HUWE1: variants seen among roughly 807,000 people sequenced by gnomAD.
HUWE1 encodes E3 ubiquitin-protein ligase HUWE1.
HUWE1 carries 18 observed loss-of-function variants against 299.4 expected under a neutral mutation model. The observed-to-expected ratio is 0.06, with a 90% CI of 0.04 to 0.09. The LOEUF (loss-of-function observed/expected upper bound fraction) is 0.09, where lower values mean the gene tolerates loss of function less well. Ranked by LOEUF, HUWE1 falls within the 10% of genes least tolerant of loss-of-function variation. The probability of loss-of-function intolerance (pLI) is 1.00; values close to 1 mark genes in which losing one functional copy is unlikely to be tolerated. For missense variants in HUWE1, 1,832 were observed against 3,462.3 expected (o/e 0.53, Z 11.82); for synonymous variants, 1,317 against 1,286.1 (o/e 1.02, Z -0.51).
chrX:53,589,078 C>A (rs1352579101), intron 36 of HUWE1, among the ~76,000 whole-genome samples: 3 of 112,152 alleles, frequency 2.7e-5, no homozygotes, highest in Non-Finnish European at 5.6e-5. Flanking sequence ...TAAATACAAT[C>A]GAAATGTTAA....
intron 3 of HUWE1, among the ~76,000 whole-genome samples, chrX:53,660,940 G>GA (rs2068969312): frequency 1.8e-5 from 2 of 110,249 alleles, no homozygotes; most frequent in African/African-American, 6.6e-5. Flanking sequence ...AAGTAAGAGA[G>GA]AAAAAAAGTA....
chrX:53,645,733 AAAAATATAT>A (rs1287021683), intron 6 of HUWE1, among the ~76,000 whole-genome samples: 157 of 19,353 alleles, frequency 8.1e-3, no homozygotes, highest in Admixed American at 0.012. Context: ...AAAAAAAAAA[AAAAATATAT>A]ATATATATAT....
intron 23 of HUWE1, among the ~76,000 whole-genome samples, chrX:53,611,188 TA>T (rs1204862205): frequency 1.1e-3 from 67 of 60,782 alleles, no homozygotes; most frequent in Middle Eastern, 0.011. Context: ...GCTGATTTTG[TA>T]AAAAAAAAAA....
At chrX:53,663,287 T>C (rs1017470723) in intron 3 of HUWE1, among the ~76,000 whole-genome samples, 1 of 111,353 alleles carries the variant, frequency 9.0e-6, no homozygotes. Flanking sequence ...CCGAGGCGGG[T>C]GGATCACCCA....
intron 25 of HUWE1, among the ~76,000 whole-genome samples, chrX:53,605,145 C>G (rs2065082010): frequency 8.9e-6 from 1 of 112,350 alleles, no homozygotes; most frequent in Admixed American, 9.4e-5. Context: ...AAATTTTGCT[C>G]GATAGGAAAC....
chrX:53,542,401 G>A (rs2061383212), intron 74 of HUWE1, 42 bp downstream of exon 74: 2 of 856,803 alleles, frequency 2.3e-6, no homozygotes, highest in East Asian at 6.2e-5. Flanking sequence ...CAGAAGACTG[G>A]CTATCCCTTT....
intron 43 of HUWE1, among the ~76,000 whole-genome samples, chrX:53,578,620 G>A (rs2063358378): frequency 3.2e-5 from 3 of 95,111 alleles, no homozygotes; most frequent in Admixed American, 1.0e-4. Context: ...CCCCGTCCGG[G>A]AGGGAGGTGG....
chrX:53,633,580 G>A (rs967525733), intron 8 of HUWE1, among the ~76,000 whole-genome samples: 1 of 112,482 alleles, frequency 8.9e-6, no homozygotes, highest in Non-Finnish European at 1.9e-5. Flanking sequence ...GGCTTGCTAA[G>A]ATAAATACAC....
chrX:53,589,949 T>A, intron 35 of HUWE1, 133 bp from the exon 36 acceptor site: 1 of 710,812 alleles, frequency 1.4e-6, no homozygotes, highest in Non-Finnish European at 2.1e-6. Context: ...GATACTTTCA[T>A]CCAGGATGTG....
chrX:53,597,744 AT>A (rs1175971141), intron 29 of HUWE1, among the ~76,000 whole-genome samples: 1 of 88,206 alleles, frequency 1.1e-5, no homozygotes, highest in Non-Finnish European at 2.2e-5. Context: ...CACATCTCTA[AT>A]TCAGCCTCTA....
At chrX:53,611,499 G>C (rs2065468435) in intron 23 of HUWE1, among the ~76,000 whole-genome samples, 1 of 111,888 alleles carries the variant, frequency 8.9e-6, no homozygotes, top group African/African-American at 3.2e-5. Flanking sequence ...GAAGTAAGAT[G>C]AGTAACAGTC....
intron 55 of HUWE1, among the ~76,000 whole-genome samples, chrX:53,560,734 T>C (rs951427262): frequency 1.8e-5 from 2 of 112,034 alleles, no homozygotes; most frequent in Non-Finnish European, 3.8e-5. Context: ...CCCGCTTCTT[T>C]ACCTGCTCTT....
chrX:53,610,268 T>G (rs1456724979), intron 23 of HUWE1, among the ~76,000 whole-genome samples: 5 of 111,768 alleles, frequency 4.5e-5, no homozygotes, highest in Non-Finnish European at 9.4e-5. Flanking sequence ...AAATGAGACC[T>G]ATATGCCCCC....
chrX:53,631,681 G>C, intron 9 of HUWE1, 67 bp from the exon 10 acceptor site: 2 of 788,259 alleles, frequency 2.5e-6, no homozygotes, highest in Non-Finnish European at 3.9e-6. Context: ...CTTCCATAGA[G>C]CTCCAAAGGG....
intron 62 of HUWE1, 80 bp from the exon 63 acceptor site, chrX:53,552,521 C>T: frequency 8.3e-7 from 1 of 1,202,271 alleles, no homozygotes; most frequent in South Asian, 1.8e-5. Flanking sequence ...CCCTTTCTCA[C>T]AGAAACCAGC....
intron 3 of HUWE1, among the ~76,000 whole-genome samples, chrX:53,666,395 G>C (rs1372943439): frequency 1.8e-5 from 2 of 111,648 alleles, no homozygotes; most frequent in Non-Finnish European, 3.8e-5. Context: ...GCCCTGTGTT[G>C]ATCACTGTTC....
At chrX:53,664,617 C>T (rs2069161270) in intron 3 of HUWE1, among the ~76,000 whole-genome samples, 1 of 111,904 alleles carries the variant, frequency 8.9e-6, no homozygotes, top group Admixed American at 9.5e-5. Flanking sequence ...AGCATTACGG[C>T]AGTTCTTAAA....
At chrX:53,547,025 G>A (rs781847862) in intron 68 of HUWE1, among the ~76,000 whole-genome samples, 200 bp from the exon 69 acceptor site, 4 of 111,914 alleles carry the variant, frequency 3.6e-5, no homozygotes, top group Non-Finnish European at 7.5e-5. Flanking sequence ...ACACGGTCTC[G>A]CTCTGTTGCC....
At chrX:53,625,651 A>G (rs1448000718) in intron 17 of HUWE1, 1 of 179,868 alleles carries the variant, frequency 5.6e-6, no homozygotes, top group East Asian at 1.7e-4. Context: ...GGAACACCAG[A>G]ATGGTGAAGG....
Sources: allele counts gnomAD v4.1 joint callset (sites outside exome capture counted in the v4.1 genomes callset), GRCh38; gene constraint gnomAD v4.1.1; transcripts MANE v1.5; gene names NCBI Gene and HGNC (gene_info 2026-07-23, HGNC 2026-07-21).